Variants in ALDOB observed in about 807,000 individuals in gnomAD.
ALDOB encodes the protein fructose-bisphosphate aldolase B.
A neutral mutation model predicts 41.0 loss-of-function variants in ALDOB; 39 were observed. The observed-to-expected ratio is 0.95, with a 90% CI of 0.74 to 1.24. The LOEUF (loss-of-function observed/expected upper bound fraction) is 1.24. Ranked by LOEUF, ALDOB falls within the 50% of genes most tolerant of loss-of-function variation. The pLI is 0.00. For synonymous variants in ALDOB, 175 were observed against 168.8 expected, an observed-to-expected ratio of 1.04 and a Z score of -0.28; for missense variants, 530 against 457.3, an observed-to-expected ratio of 1.16 and a Z score of -1.45.
At chr9:101,425,348 G>A in intron 7 of ALDOB, 105 bp downstream of exon 7, 5 of 1,369,024 alleles carry the variant, frequency 3.7e-6, no homozygotes, top group Non-Finnish European at 4.1e-6. Flanking sequence ...AGATAACAGA[G>A]GTTTGTTTCA....
chr9:101,431,969 A>G (rs1831226619), intron 1 of ALDOB, among the ~76,000 whole-genome samples: 1 of 152,158 alleles, frequency 6.6e-6, no homozygotes, highest in Non-Finnish European at 1.5e-5. Flanking sequence ...TAATTATAGC[A>G]GGTATTATCT....
intron 2 of ALDOB, among the ~76,000 whole-genome samples, chr9:101,430,254 G>T (rs1347377820): frequency 1.3e-5 from 2 of 152,100 alleles, no homozygotes; most frequent in Non-Finnish European, 2.9e-5. Flanking sequence ...TCCCTGATCT[G>T]GTCCTCAGTC....
In ALDOB at chr9:101,427,550, A is replaced by G. The variant is rs1386846765; in HGVS notation, c.472T>C (p.Cys158Arg). 3.7e-6 allele frequency: 6 copies of G among 1,614,056 alleles called. No homozygotes were observed. The highest frequency in any genetic ancestry group is 3.3e-5 in the Admixed American group (2 of 60,006). The change falls in exon 5 of 9, where the codon TGT becomes CGT. Residue 158 changes from cysteine (C) to arginine (R), a missense_variant. Cys to Arg is a radical substitution (Grantham distance 180, BLOSUM62 -3). Transcript: ENST00000647789. ...TCCTGGATAGCGAGGCTGGATGGAC[A>G]CTGGTCGGCAATCCTCAGCACAGCA... is the stretch of plus-strand genomic sequence containing the variant. Reference protein sequence around the residue: ...WRAVLRIADQCPSSLAIQENA... With the variant: ...WRAVLRIADQRPSSLAIQENA...
intron 8 of ALDOB, among the ~76,000 whole-genome samples, chr9:101,422,474 C>A (rs1387317099): frequency 6.6e-6 from 1 of 152,176 alleles, no homozygotes; most frequent in African/African-American, 2.4e-5. Context: ...ATCAATGGTT[C>A]TCCAACTGTG....
intron 1 of ALDOB, among the ~76,000 whole-genome samples, chr9:101,433,411 T>C (rs1252046338): frequency 6.6e-6 from 1 of 152,194 alleles, no homozygotes; most frequent in African/African-American, 2.4e-5. Flanking sequence ...TTAGCACAAA[T>C]GTCACCTCTC....
At chr9:101,432,459 ATCT>A (rs1201931872) in intron 1 of ALDOB, among the ~76,000 whole-genome samples, 1 of 152,194 alleles carries the variant, frequency 6.6e-6, no homozygotes, top group Non-Finnish European at 1.5e-5. Context: ...CCTGGGTGTG[ATCT>A]TCAGAGCAAG....
chr9:101,424,913 G>A lies in ALDOB; in HGVS notation c.929C>T (p.Ala310Val). Reference protein sequence around the residue: ...FSYGRALQASALAAWGGKAAN... With the variant: ...FSYGRALQASVLAAWGGKAAN... ...AGCCTTGCCACCCCAGGCAGCCAGT[G>A]CACTGGCCTGCAGGGCCCGTCCATA... The change falls in exon 8 of 9, where the codon GCA becomes GTA. Residue 310 changes from alanine to valine, a missense_variant. Ala to Val is a moderately conservative substitution (Grantham distance 64). Coordinates refer to ENST00000647789, the MANE Select transcript of ALDOB (RefSeq NM_000035.4). 1 of 1,614,148 alleles carries A rather than the reference G, an allele frequency of 6.2e-7. No homozygotes were observed.
chr9:101,421,899 G>C lies in ALDOB; in HGVS notation c.1005C>G (p.Asn335Lys), dbSNP rs78340951. Residue 335 changes from asparagine to lysine, a missense_variant, in exon 9 of 9, where the codon AAC becomes AAG. By Grantham distance (94) the Asn-to-Lys change is moderately conservative. Transcript: ENST00000647789. ...QEAFMKRAMA[N>K]CQAAKGQYVH... The stretch of plus-strand genomic sequence containing the variant: ...CATACTGTCCTTTGGCCGCCTGGCA[G>C]TTAGCCTAGAAGACAAATATGAGAG... 179 of 1,613,598 alleles carry C rather than the reference G, an allele frequency of 1.1e-4. No individual in the cohort carries two copies. Among genetic ancestry groups the C allele is most frequent in the Non-Finnish European group, 1.4e-4 (169 of 1,179,892 alleles).
chr9:101,434,315 C>T (rs2118374410), intron 1 of ALDOB, among the ~76,000 whole-genome samples: 1 of 152,268 alleles, frequency 6.6e-6, no homozygotes, highest in African/African-American at 2.4e-5. Flanking sequence ...AAGTTACATC[C>T]TATTGGCTTA....
intron 4 of ALDOB, 21 bp downstream of exon 4, chr9:101,428,448 C>A (rs755621253): frequency 6.2e-7 from 1 of 1,606,998 alleles, no homozygotes; most frequent in African/African-American, 1.3e-5. Context: ...CATGATTCAT[C>A]TCAGTGGGCA....
intron 8 of ALDOB, among the ~76,000 whole-genome samples, chr9:101,422,858 A>G (rs1405596017): frequency 6.6e-6 from 1 of 152,242 alleles, no homozygotes; most frequent in African/African-American, 2.4e-5. Context: ...TATATAAAAA[A>G]TCACAGATAC....
At chr9:101,427,745 C>G (rs1831153247) in intron 4 of ALDOB, 103 bp from the exon 5 acceptor site, 2 of 1,428,378 alleles carry the variant, frequency 1.4e-6, no homozygotes, top group African/African-American at 1.4e-5. Flanking sequence ...GCTTTCAATC[C>G]ACTGTGCTTG....
Position 101,421,838 on chromosome 9 carries a change from A to G in ALDOB, c.1066T>C (p.Ser356Pro). The change falls in exon 9 of 9, where the codon TCG (serine) becomes CCG (proline). Residue 356 changes from serine (S) to proline (P), a missense_variant. Ser to Pro is a moderately conservative substitution (Grantham distance 74, BLOSUM62 -1). Transcript: ENST00000647789. ...TGSSGAASTQ[S>P]LFTACYTY is the part of the protein sequence containing the mutation. Reference sequence around the variant, plus strand: ...TAGGTATAGCAGGCTGTGAAGAGCGACTGGGTGGAAGCAGCCCCAGAAGAA... The same window carrying G: ...TAGGTATAGCAGGCTGTGAAGAGCGGCTGGGTGGAAGCAGCCCCAGAAGAA... 6.2e-7 allele frequency: 1 copy of G among 1,614,072 alleles called. No homozygotes were observed. Among genetic ancestry groups the G allele is most frequent in the Non-Finnish European group, 8.5e-7 (1 of 1,180,010 alleles).
At position 101,421,840 on chromosome 9, in the gene ALDOB, T is replaced by G. The variant is rs771249114; in HGVS notation, c.1064A>C (p.Gln355Pro). 6.2e-7 allele frequency: 1 copy of G among 1,613,960 alleles called. No individual in the cohort carries two copies. The highest frequency in any genetic ancestry group is 8.5e-7 in the Non-Finnish European group (1 of 1,180,018). The change falls in exon 9 of 9, where the codon CAG becomes CCG. Residue 355 changes from glutamine (Q) to proline (P), a missense_variant. Coordinates refer to ENST00000647789, the MANE Select transcript of ALDOB (RefSeq NM_000035.4). Reference protein sequence around the residue: ...HTGSSGAASTQSLFTACYTY With the variant: ...HTGSSGAASTPSLFTACYTY ...GGTATAGCAGGCTGTGAAGAGCGAC[T>G]GGGTGGAAGCAGCCCCAGAAGAACC... is the stretch of plus-strand genomic sequence containing the variant.
At chr9:101,427,115 G>T (rs1403150969) in intron 5 of ALDOB, among the ~76,000 whole-genome samples, 1 of 152,146 alleles carries the variant, frequency 6.6e-6, no homozygotes, top group Non-Finnish European at 1.5e-5. Flanking sequence ...ATTGGAACTC[G>T]GTCAGAGCTG....
At chr9:101,425,337 G>A in intron 7 of ALDOB, 116 bp downstream of exon 7, 3 of 1,275,348 alleles carry the variant, frequency 2.4e-6, no homozygotes, top group South Asian at 1.2e-5. Context: ...GGCTGCCTGT[G>A]AGATAACAGA....
chr9:101,430,761 G>A lies in ALDOB; in HGVS notation c.112+15C>T. On this transcript the variant is annotated intron_variant, in intron 2 of 8. Coordinates refer to ENST00000647789, the MANE Select transcript of ALDOB (RefSeq NM_000035.4). ...TAATATGTTGTTATATGATGAGACT[G>A]CTTTTTACACTCACCTACAGATTCA... The A allele has an allele frequency of 6.4e-7, 1 of 1,571,326 alleles. No homozygotes were observed. The highest frequency in any genetic ancestry group is 8.8e-7 in the Non-Finnish European group (1 of 1,141,054).
chr9:101,421,959 G>A (rs1462714568), intron 8 of ALDOB, 55 bp from the exon 9 acceptor site: 49 of 1,434,920 alleles, frequency 3.4e-5, no homozygotes, highest in Non-Finnish European at 4.5e-5. Flanking sequence ...ACCCCACCTT[G>A]ACCCTGTCTG....
At position 101,421,814 on chromosome 9, in the gene ALDOB, A is replaced by T. The variant is rs758382114; in HGVS notation, c.1090T>A (p.Tyr364Asn). ...TQSLFTACYT[Y>N] ...AGGCTGGCGGGCATTGGACCCTAGT[A>T]GGTATAGCAGGCTGTGAAGAGCGAC... Residue 364 changes from tyrosine to asparagine, a missense_variant, in exon 9 of 9, where the codon TAC (tyrosine) becomes AAC (asparagine). Coordinates refer to ENST00000647789, the MANE Select transcript of ALDOB (RefSeq NM_000035.4). 2 of 1,613,790 alleles carry T rather than the reference A, an allele frequency of 1.2e-6. No individual in the cohort carries two copies. The highest frequency in any genetic ancestry group is 2.7e-5 in the African/African-American group (2 of 75,018).
Sources: gnomAD v4.1 joint callset for allele counts (sites outside exome capture counted in the v4.1 genomes callset) on GRCh38, gnomAD v4.1.1 for gene constraint, MANE v1.5 for transcripts, NCBI Gene and HGNC (gene_info 2026-07-23, HGNC 2026-07-21) for gene names.